The following ZBTB16 variants were observed in gnomAD, a reference collection of about 807,000 sequenced individuals.
The protein encoded by ZBTB16 is zinc finger and BTB domain-containing protein 16.
In ZBTB16, 8 loss-of-function variants were observed where a neutral mutation model predicts 56.8. The ratio of observed to expected loss-of-function variants is 0.14; its 90% CI spans 0.08 to 0.25. The LOEUF (loss-of-function observed/expected upper bound fraction) is 0.25. ZBTB16 is among the 10% of genes least tolerant of loss of function. The pLI is 1.00. For missense variants in ZBTB16, 625 were observed against 903.0 expected, an observed-to-expected ratio of 0.69 and a Z score of 3.95; for synonymous variants, 363 against 368.5, an observed-to-expected ratio of 0.98 and a Z score of 0.17.
intron 2 of ZBTB16, among the ~76,000 whole-genome samples, chr11:114,154,640 G>A (rs748945394): frequency 2.0e-5 from 3 of 152,186 alleles, no homozygotes; most frequent in Non-Finnish European, 4.4e-5. Flanking sequence ...AAAATGTTCT[G>A]TACTGTTAAT....
intron 2 of ZBTB16, among the ~76,000 whole-genome samples, chr11:114,077,080 G>A (rs192971463): frequency 2.3e-4 from 35 of 152,268 alleles, no homozygotes; most frequent in East Asian, 9.7e-4. Context: ...GGATGTAATT[G>A]CTTCCAGATA....
intron 4 of ZBTB16, among the ~76,000 whole-genome samples, chr11:114,196,365 C>T (rs945616619): frequency 7.9e-6 from 1 of 127,266 alleles, no homozygotes; most frequent in African/African-American, 3.2e-5. Context: ...TAGAACCTTC[C>T]ACCTCATCCT....
chr11:114,067,074 C>G (rs1939147414), intron 2 of ZBTB16, among the ~76,000 whole-genome samples: 1 of 152,116 alleles, frequency 6.6e-6, no homozygotes, highest in Non-Finnish European at 1.5e-5. Context: ...CCGGCCTTCA[C>G]TCACTTCTTA....
chr11:114,133,405 T>A (rs548339011), intron 2 of ZBTB16, among the ~76,000 whole-genome samples: 2 of 152,230 alleles, frequency 1.3e-5, no homozygotes, highest in South Asian at 4.2e-4. Context: ...CATGCCCCTT[T>A]CCTGCATGCC....
rs764019607 is a variant in ZBTB16, at chr11:114,059,943, G to A, written c.-91+61G>A. 1.3e-5 allele frequency: 5 copies of A among 395,038 alleles called. No individual in the cohort carries two copies. Among genetic ancestry groups the A allele is most frequent in the Non-Finnish European group, 2.2e-5 (5 of 224,166 alleles). 24.5% of individuals were successfully genotyped at this position (395,038 alleles called of 1,614,324 possible). A position where few individuals can be genotyped will look rare whatever the true frequency, so the allele number is the denominator to read the frequency against. On this transcript the variant is annotated intron_variant, in intron 1 of 6. Transcript: ENST00000335953. The surrounding 1 kb of genome is among the most constrained non-coding windows in gnomAD (Gnocchi z 5.3). The stretch of plus-strand genomic sequence containing the variant: ...CGAGCGCCGCGCGCCGGGGCTTCCC[G>A]GGGCTGGAGAGGTCTGGGGGGCGCG...
At chr11:114,123,126 C>G (rs1941390644) in intron 2 of ZBTB16, among the ~76,000 whole-genome samples, 2 of 152,172 alleles carry the variant, frequency 1.3e-5, no homozygotes, top group Admixed American at 1.3e-4. Context: ...ATCAGAGACC[C>G]ACCCTTAGGA....
intron 2 of ZBTB16, among the ~76,000 whole-genome samples, chr11:114,148,449 G>C (rs193131793): frequency 0.17 from 8,540 of 51,260 alleles, 1,980 homozygotes; most frequent in Middle Eastern, 0.24. Context: ...CTCTCTCTCT[G>C]TCTGTCTGTC....
intron 2 of ZBTB16, among the ~76,000 whole-genome samples, chr11:114,156,013 G>T (rs563216939): frequency 6.6e-6 from 1 of 152,328 alleles, no homozygotes; most frequent in East Asian, 1.9e-4. Flanking sequence ...TAGTTTGACA[G>T]TGAGCATTAT....
intron 2 of ZBTB16, among the ~76,000 whole-genome samples, chr11:114,076,266 T>C (rs1939559821): frequency 1.3e-5 from 2 of 152,144 alleles, no homozygotes; most frequent in African/African-American, 4.8e-5. Context: ...AATAAGTTCT[T>C]ATCTGATTGC....
In ZBTB16 at chr11:114,253,484, G is replaced by GTGTGGT. The variant is rs1944951003; in HGVS notation, c.*2934_*2939dup. Among the ~76,000 whole-genome samples, 1 of 152,216 alleles carries GTGTGGT rather than the reference G, an allele frequency of 6.6e-6. No individual in the cohort carries two copies. Among genetic ancestry groups the GTGTGGT allele is most frequent in the Non-Finnish European group, 1.5e-5 (1 of 68,046 alleles). On this transcript the variant is annotated 3_prime_UTR_variant, in exon 7 of 7. Transcript: ENST00000335953. ...GTGCGTGTGCGCGTGTGCTTTGTGTGTGTGGTTGTGTGTTAAATCATGCAG... is the reference window on the plus strand; with the variant it reads ...GTGCGTGTGCGCGTGTGCTTTGTGTGTGTGGTTGTGGTTGTGTGTTAAATCATGCAG...
At chr11:114,209,225 A>G (rs896784917) in intron 4 of ZBTB16, 1 of 251,180 alleles carries the variant, frequency 4.0e-6, no homozygotes, top group Admixed American at 6.5e-5. Flanking sequence ...GGAGGAGGAG[A>G]CACTCAAAGC....
intron 3 of ZBTB16, among the ~76,000 whole-genome samples, chr11:114,165,362 G>A (rs551039977): frequency 6.6e-6 from 1 of 152,194 alleles, no homozygotes; most frequent in Admixed American, 6.5e-5. Context: ...TGGGCAAGTA[G>A]TTTAGCAGGG....
intron 4 of ZBTB16, among the ~76,000 whole-genome samples, chr11:114,202,829 A>C (rs1015260116): frequency 6.6e-6 from 1 of 152,176 alleles, no homozygotes; most frequent in African/African-American, 2.4e-5. Context: ...GGCAGGTATC[A>C]CTTATTTGGA....
chr11:114,102,443 A>G (rs1400657234), intron 2 of ZBTB16, among the ~76,000 whole-genome samples: 2 of 152,084 alleles, frequency 1.3e-5, no homozygotes, highest in Non-Finnish European at 2.9e-5. Flanking sequence ...AAGGTTTGTC[A>G]TTCATCATCA....
At chr11:114,061,795 T>C (rs1272179462) in intron 1 of ZBTB16, among the ~76,000 whole-genome samples, 1 of 152,150 alleles carries the variant, frequency 6.6e-6, no homozygotes, top group Non-Finnish European at 1.5e-5. Flanking sequence ...GTACTGGTTG[T>C]AACTCACACC....
chr11:114,097,456 A>G (rs1214275540), intron 2 of ZBTB16, among the ~76,000 whole-genome samples: 1 of 152,136 alleles, frequency 6.6e-6, no homozygotes. Context: ...AAAATGGTAA[A>G]TTTTAGTTAC....
chr11:114,167,225 TTTTTTGG>T (rs1171269840), intron 3 of ZBTB16, among the ~76,000 whole-genome samples: 1 of 75,026 alleles, frequency 1.3e-5, no homozygotes, highest in African/African-American at 1.1e-4. Flanking sequence ...GGTTTTTTTT[TTTTTTGG>T]TTTTTTTTTT....
At chr11:114,201,999 G>C (rs761933669) in intron 4 of ZBTB16, among the ~76,000 whole-genome samples, 1 of 152,188 alleles carries the variant, frequency 6.6e-6, no homozygotes, top group Non-Finnish European at 1.5e-5. Flanking sequence ...TTTTGGGAGC[G>C]CTCATGGACA....
rs777613573 is a variant in ZBTB16 at position 114,063,694 on chromosome 11, G to A, written c.394G>A (p.Asp132Asn). Residue 132 changes from aspartate (D) to asparagine (N), a missense_variant, in exon 2 of 7, where the codon GAC becomes AAC. Transcript: ENST00000335953. This position sits in a 1 kb window ranked among gnomAD's most constrained non-coding sequence, Gnocchi z 6.5. ...LETIQASDDN[D>N]TEATMADGGA... ...GACCATCCAGGCCTCAGACGACAATGACACGGAGGCCACCATGGCCGATGG... is the reference window on the plus strand; with the variant it reads ...GACCATCCAGGCCTCAGACGACAATAACACGGAGGCCACCATGGCCGATGG... The A allele has an allele frequency of 6.2e-7, 1 of 1,614,078 alleles. No homozygotes were observed. The highest frequency in any genetic ancestry group is 8.5e-7 in the Non-Finnish European group (1 of 1,180,032).
Sources: gnomAD v4.1 joint callset for allele counts (sites outside exome capture counted in the v4.1 genomes callset) on GRCh38, gnomAD v4.1.1 for gene constraint, Gnocchi (gnomAD v3.1) non-coding constraint, MANE v1.5 for transcripts, NCBI Gene and HGNC (gene_info 2026-07-23, HGNC 2026-07-21) for gene names.